RIN2: variants seen among roughly 807,000 people sequenced by gnomAD.
The protein encoded by RIN2 is Ras and Rab interactor 2.
RIN2 carries 36 observed loss-of-function variants against 78.0 expected under a neutral mutation model. The ratio of observed to expected loss-of-function variants is 0.46; its 90% CI spans 0.35 to 0.61. The LOEUF (loss-of-function observed/expected upper bound fraction) is 0.61. Ranked by LOEUF, RIN2 falls within the 20% of genes least tolerant of loss-of-function variation. The pLI, the probability that RIN2 is intolerant of heterozygous loss-of-function variation, is 0.00. For synonymous variants in RIN2, 466 were observed against 466.8 expected, an observed-to-expected ratio of 1.00 and a Z score of 0.02; for missense variants, 1,087 against 1,159.7, an observed-to-expected ratio of 0.94 and a Z score of 0.91.
intron 2 of RIN2, among the ~76,000 whole-genome samples, chr20:19,826,981 T>TG (rs1457120748): frequency 1.9e-3 from 282 of 149,554 alleles, no homozygotes; most frequent in African/African-American, 6.5e-3. Context: ...TTGGGTTTTT[T>TG]TTTTTTTTTT....
intron 2 of RIN2, among the ~76,000 whole-genome samples, chr20:19,873,679 G>A (rs1035687220): frequency 1.3e-5 from 2 of 152,036 alleles, no homozygotes; most frequent in African/African-American, 4.8e-5. Flanking sequence ...CTTTACAAGT[G>A]GATGCAAAAC....
rs536078253 is a variant in RIN2 at position 19,907,450 on chromosome 20, A to G, written c.57+17792A>G. ...CAGACAGAGCCCTGGCTCCCAGCCA[A>G]ACCCTCAGCTGGACACTGGGTGCAT... is the stretch of plus-strand genomic sequence containing the variant. On this transcript the variant is annotated intron_variant, in intron 3 of 12. Coordinates refer to ENST00000255006, the MANE Select transcript of RIN2 (RefSeq NM_018993.4). 1.7e-3 allele frequency among the ~76,000 whole-genome samples: 258 copies of G among 152,338 alleles called. 1 individual carries two copies. Among genetic ancestry groups the G allele is most frequent in the African/African-American group, 6.0e-3 (251 of 41,584 alleles).
intron 3 of RIN2, among the ~76,000 whole-genome samples, chr20:19,923,492 T>TAAAATAAAATAAAATAAAATAAAATAAAA (rs1568614036): frequency 7.1e-6 from 1 of 140,298 alleles, no homozygotes; most frequent in African/African-American, 2.8e-5. Context: ...ATAAAATAAA[T>TAAAATAAAATAAAATAAAATAAAATAAAA]ATTGGCTGAG....
chr20:19,804,795 C>T (rs139653270), intron 2 of RIN2, among the ~76,000 whole-genome samples: 1 of 152,124 alleles, frequency 6.6e-6, no homozygotes, highest in African/African-American at 2.4e-5. Context: ...CTTTGTACCT[C>T]TGGTAGAACT....
intron 3 of RIN2, among the ~76,000 whole-genome samples, chr20:19,931,603 C>A (rs1234347241): frequency 6.6e-6 from 1 of 152,016 alleles, no homozygotes; most frequent in African/African-American, 2.4e-5. Context: ...ATGTAATGAG[C>A]AAATCAGGGT....
At chr20:19,830,380 C>A (rs1173600968) in intron 2 of RIN2, among the ~76,000 whole-genome samples, 1 of 152,168 alleles carries the variant, frequency 6.6e-6, no homozygotes, top group Non-Finnish European at 1.5e-5. Flanking sequence ...GCCTCTCTTT[C>A]ATGCTTCATT....
At chr20:19,951,120 C>T (rs6046478) in intron 4 of RIN2, among the ~76,000 whole-genome samples, 1 of 152,006 alleles carries the variant, frequency 6.6e-6, no homozygotes, top group Non-Finnish European at 1.5e-5. Context: ...CCTCAAACTC[C>T]TGAGGTCAAG....
chr20:19,856,342 C>G, intron 2 of RIN2, among the ~76,000 whole-genome samples: 1 of 151,808 alleles, frequency 6.6e-6, no homozygotes, highest in Non-Finnish European at 1.5e-5. Flanking sequence ...TAGTGACAAC[C>G]CATCTCTACA....
At chr20:19,848,394 G>C (rs951483885) in intron 2 of RIN2, among the ~76,000 whole-genome samples, 1 of 152,022 alleles carries the variant, frequency 6.6e-6, no homozygotes. Flanking sequence ...AAATTAGCTG[G>C]GCGTGGTGGT....
chr20:19,962,700 C>T (rs2041804331), intron 6 of RIN2, among the ~76,000 whole-genome samples: 1 of 152,058 alleles, frequency 6.6e-6, no homozygotes, highest in Non-Finnish European at 1.5e-5. Context: ...GAAGGACTTG[C>T]TATAAAAACA....
intron 2 of RIN2, among the ~76,000 whole-genome samples, chr20:19,876,838 G>A (rs796682918): frequency 1.2e-4 from 18 of 151,544 alleles, no homozygotes; most frequent in African/African-American, 3.6e-4. Flanking sequence ...CCAGCGGGGC[G>A]GAGGTTGCAG....
chr20:19,912,285 G>C (rs1568601555), intron 3 of RIN2, among the ~76,000 whole-genome samples: 2 of 152,048 alleles, frequency 1.3e-5, no homozygotes, highest in South Asian at 2.1e-4. Flanking sequence ...GGAAGCCTGG[G>C]GTTCAACTGT....
chr20:19,908,685 G>A (rs1477107221), intron 3 of RIN2, among the ~76,000 whole-genome samples: 1 of 152,108 alleles, frequency 6.6e-6, no homozygotes, highest in Non-Finnish European at 1.5e-5. Context: ...AAAGTTCAAA[G>A]CTTTTCAGAA....
intron 1 of RIN2, among the ~76,000 whole-genome samples, chr20:19,771,562 A>G (rs943386195): frequency 6.6e-6 from 1 of 152,022 alleles, no homozygotes; most frequent in African/African-American, 2.4e-5. Flanking sequence ...TAAGGGATTC[A>G]CGGCTGTCGG....
chr20:19,975,265 C>T lies in RIN2; in HGVS notation c.1240C>T (p.Pro414Ser), dbSNP rs1207581775. The T allele has an allele frequency of 1.9e-6, 3 of 1,587,396 alleles. No individual in the cohort carries two copies. Among genetic ancestry groups the T allele is most frequent in the African/African-American group, 1.3e-5 (1 of 74,606 alleles). The part of the protein sequence containing the change: ...APGDCTRAPP[P>S]SSESRPPCHG... ...GGGGGATTGCACAAGGGCCCCGCCG[C>T]CCAGCTCTGAATCACGGCCCCCGTG... Residue 414 changes from proline to serine, a missense_variant, in exon 9 of 13, where the codon CCC becomes TCC. Pro to Ser is a moderately conservative substitution (Grantham distance 74). This residue lies in a region of RIN2 where 706 missense variants were observed against 667.5 expected (regional missense o/e 1.06). Coordinates refer to ENST00000255006, the MANE Select transcript of RIN2 (RefSeq NM_018993.4). The surrounding 1 kb of genome is among the most constrained non-coding windows in gnomAD (Gnocchi z 4.9).
chr20:19,765,688 CT>C (rs1218077931), intron 1 of RIN2, among the ~76,000 whole-genome samples: 3 of 150,108 alleles, frequency 2.0e-5, no homozygotes, highest in African/African-American at 7.4e-5. Context: ...GGTTTTTCTC[CT>C]TGATAATTTA....
intron 3 of RIN2, 27 bp downstream of exon 3, chr20:19,889,685 C>G: frequency 6.9e-7 from 1 of 1,445,990 alleles, no homozygotes. Context: ...ATTGGGATCT[C>G]AACTCGTCGG....
intron 6 of RIN2, among the ~76,000 whole-genome samples, chr20:19,964,737 T>A (rs1265519676): frequency 6.6e-6 from 1 of 152,216 alleles, no homozygotes; most frequent in African/African-American, 2.4e-5. Context: ...CTGGAGCATG[T>A]GCTCGGCATG....
intron 2 of RIN2, among the ~76,000 whole-genome samples, chr20:19,878,976 C>T (rs753401202): frequency 9.9e-5 from 15 of 152,154 alleles, no homozygotes; most frequent in African/African-American, 3.1e-4. Flanking sequence ...AGGAGTCAGA[C>T]GTCTGAACAA....
Sources: allele counts gnomAD v4.1 joint callset (sites outside exome capture counted in the v4.1 genomes callset), GRCh38; gene constraint gnomAD v4.1.1; regional missense constraint gnomAD v4.1.1; non-coding constraint Gnocchi (gnomAD v3.1); transcripts MANE v1.5; gene names NCBI Gene and HGNC (gene_info 2026-07-23, HGNC 2026-07-21).